UNC79: variants seen among roughly 807,000 people sequenced by gnomAD.
The protein encoded by UNC79 is unc-79 subunit of NALCN channel complex.
Under a neutral mutation model 283.1 loss-of-function variants are expected in UNC79, and 37 were observed. That is an observed-to-expected ratio of 0.13 (90% CI 0.10 to 0.17). The LOEUF (loss-of-function observed/expected upper bound fraction) is 0.17, where lower values mean the gene tolerates loss of function less well. Among genes scored for constraint, UNC79 ranks in the 10% least tolerant of loss-of-function variants. The pLI is 1.00. For missense variants in UNC79, 2,272 were observed against 3,211.1 expected, an observed-to-expected ratio of 0.71 and a Z score of 7.07; for synonymous variants, 1,107 against 1,200.2, an observed-to-expected ratio of 0.92 and a Z score of 1.61.
At chr14:93,471,452 A>G (rs2057497797) in intron 2 of UNC79, among the ~76,000 whole-genome samples, 1 of 152,142 alleles carries the variant, frequency 6.6e-6, no homozygotes, top group East Asian at 1.9e-4. Context: ...TGCAGAGTCA[A>G]ACTCTTCTGA....
chr14:93,362,409 C>T lies in UNC79; in HGVS notation c.-351+28886C>T, dbSNP rs570401887. On this transcript the variant is annotated intron_variant, in intron 1 of 49. Transcript: ENST00000256339. ...TGTCACCCAGGCTGGAGTGCAATGGCGCTATCTTGGCTCACTGCAACCTCC... is the reference window on the plus strand; with the variant it reads ...TGTCACCCAGGCTGGAGTGCAATGGTGCTATCTTGGCTCACTGCAACCTCC... Among the ~76,000 whole-genome samples, 90 of 152,074 alleles carry T rather than the reference C, an allele frequency of 5.9e-4. 1 individual carries two copies. The highest frequency in any genetic ancestry group is 3.3e-3 in the South Asian group (16 of 4,808).
At chr14:93,577,573 T>G (rs549425024) in intron 17 of UNC79, among the ~76,000 whole-genome samples, 80 of 152,352 alleles carry the variant, frequency 5.3e-4, no homozygotes, top group African/African-American at 1.8e-3. Flanking sequence ...TAATTGGACA[T>G]GTTTGATGGG....
chr14:93,595,580 C>A (rs923772651), intron 23 of UNC79, among the ~76,000 whole-genome samples: 1 of 152,104 alleles, frequency 6.6e-6, no homozygotes, highest in South Asian at 2.1e-4. Flanking sequence ...TTCATCCACG[C>A]GGGGGCCATT....
intron 22 of UNC79, among the ~76,000 whole-genome samples, chr14:93,590,509 G>T (rs535689636): frequency 2.6e-5 from 4 of 152,138 alleles, no homozygotes; most frequent in Non-Finnish European, 5.9e-5. Flanking sequence ...TTCAACATGG[G>T]AATACGAGAT....
chr14:93,641,261 G>T lies in UNC79; in HGVS notation c.5903+14G>T. The T allele has an allele frequency of 6.2e-7, 1 of 1,605,732 alleles. No individual in the cohort carries two copies. The highest frequency in any genetic ancestry group is 1.7e-5 in the Admixed American group (1 of 59,536). ...GATGACGGACAAGTAAGCTCGCACAGTTATTTTCTTCACCATGTTTACAGA... is the reference window on the plus strand; with the variant it reads ...GATGACGGACAAGTAAGCTCGCACATTTATTTTCTTCACCATGTTTACAGA... On this transcript the variant is annotated intron_variant, in intron 33 of 48. Coordinates refer to ENST00000555664, the Ensembl canonical transcript of UNC79.
intron 1 of UNC79, among the ~76,000 whole-genome samples, chr14:93,345,261 A>C (rs2053799350): frequency 1.3e-5 from 2 of 152,208 alleles, no homozygotes; most frequent in African/African-American, 2.4e-5. Flanking sequence ...GTCATTTATA[A>C]GCCATCCAGT....
intron 30 of UNC79, among the ~76,000 whole-genome samples, chr14:93,627,396 T>C (rs1596135230): frequency 6.6e-6 from 1 of 152,202 alleles, no homozygotes; most frequent in East Asian, 1.9e-4. Context: ...AATAATGCTG[T>C]GTAACAAACA....
intron 14 of UNC79, among the ~76,000 whole-genome samples, chr14:93,559,122 C>T (rs915684395): frequency 9.9e-5 from 15 of 152,160 alleles, no homozygotes; most frequent in South Asian, 6.2e-4. Flanking sequence ...CACAGAGACT[C>T]CAGCACAACA....
chr14:93,421,776 T>TAAAAAAA (rs35643188), intron 1 of UNC79, among the ~76,000 whole-genome samples: 1 of 144,560 alleles, frequency 6.9e-6, no homozygotes, highest in Non-Finnish European at 1.5e-5. Flanking sequence ...GGAGATAGCT[T>TAAAAAAA]AAAAAAAAAA....
chr14:93,461,124 A>G (rs1373677682), intron 1 of UNC79, among the ~76,000 whole-genome samples: 8 of 152,216 alleles, frequency 5.3e-5, no homozygotes, highest in African/African-American at 1.2e-4. Context: ...GAAGGATAAC[A>G]TGCCAAAATG....
Position 93,700,506 on chromosome 14 carries a change from TC to T in UNC79, c.7549-4117del, listed in dbSNP as rs1158527656. Among the ~76,000 whole-genome samples the T allele has an allele frequency of 3.9e-5, 6 of 152,174 alleles. 1 individual carries two copies. Among genetic ancestry groups the T allele is most frequent in the Admixed American group, 2.6e-4 (4 of 15,280 alleles). On this transcript the variant is annotated intron_variant, in intron 47 of 48. Coordinates refer to ENST00000555664, the Ensembl canonical transcript of UNC79. ...TTTATTTTCTGTTAATGGATTTTTC[TC>T]CTCATTCGTGTGTTTCTTTTGTTGT... is the stretch of plus-strand genomic sequence containing the variant.
Position 93,467,810 on chromosome 14 carries a change from T to C in UNC79, c.143+19T>C. 1 of 1,487,538 alleles carries C rather than the reference T, an allele frequency of 6.7e-7. No homozygotes were observed. The highest frequency in any genetic ancestry group is 8.8e-7 in the Non-Finnish European group (1 of 1,130,022). 92.1% of individuals were successfully genotyped at this position (1,487,538 alleles called of 1,614,324 possible). A position where few individuals can be genotyped will look rare whatever the true frequency, so the allele number is the denominator to read the frequency against. On this transcript the variant is annotated intron_variant, in intron 2 of 48. Transcript: ENST00000555664. ...TGTTAAGGTAAGCTTTACAATATCC[T>C]CTACTTTGAGAGAATTATTAGGTAG... is the stretch of plus-strand genomic sequence containing the variant.
chr14:93,662,099 G>A (rs150000553), intron 39 of UNC79, among the ~76,000 whole-genome samples: 1 of 152,174 alleles, frequency 6.6e-6, no homozygotes, highest in Non-Finnish European at 1.5e-5. Flanking sequence ...AACCAAAACA[G>A]ACTATGCCTT....
intron 1 of UNC79, chr14:93,464,480 C>T: frequency 2.2e-6 from 1 of 455,478 alleles, no homozygotes. Context: ...GAAACGGCCT[C>T]ATTTTAACTT....
intron 40 of UNC79, among the ~76,000 whole-genome samples, chr14:93,668,069 A>G (rs572819888): frequency 6.6e-6 from 1 of 152,346 alleles, no homozygotes; most frequent in African/African-American, 2.4e-5. Flanking sequence ...TGAAATGCTA[A>G]GAGTCATCCC....
intron 3 of UNC79, 74 bp from the exon 4 acceptor site, chr14:93,477,484 C>A: frequency 7.8e-7 from 1 of 1,284,734 alleles, no homozygotes; most frequent in Non-Finnish European, 1.0e-6. Flanking sequence ...TTCATTAAAG[C>A]TTAAAATGTA....
At chr14:93,532,510 C>T in intron 10 of UNC79, 40 bp from the exon 11 acceptor site, 3 of 1,596,624 alleles carry the variant, frequency 1.9e-6, no homozygotes, top group Admixed American at 3.4e-5. Flanking sequence ...TAGAGGGGCT[C>T]TCTTTCTTTG....
exon 30 of UNC79, chr14:93,622,724 A>T: frequency 6.2e-7 from 1 of 1,614,198 alleles, no homozygotes; most frequent in Non-Finnish European, 8.5e-7. Context: ...CGAATTTAAG[A>T]TTCAGATTGT....
intron 39 of UNC79, among the ~76,000 whole-genome samples, chr14:93,660,520 C>CATATATATATATATATAT (rs57703735): frequency 2.3e-4 from 11 of 48,722 alleles, no homozygotes; most frequent in African/African-American, 6.1e-4. Context: ...AAGACAATAG[C>CATATATATATATATATAT]ATATATATAT....
Sources: allele counts gnomAD v4.1 joint callset (sites outside exome capture counted in the v4.1 genomes callset), GRCh38; gene constraint gnomAD v4.1.1; transcripts MANE v1.5; gene names NCBI Gene and HGNC (gene_info 2026-07-23, HGNC 2026-07-21).